The following C15orf40 variants were observed in gnomAD, a reference collection of about 807,000 sequenced individuals.
The protein encoded by C15orf40 is chromosome 15 open reading frame 40.
A neutral mutation model predicts 13.9 loss-of-function variants in C15orf40; 9 were observed. That is an observed-to-expected ratio of 0.65 (90% confidence interval 0.39 to 1.13). The LOEUF (loss-of-function observed/expected upper bound fraction) is 1.13. C15orf40 is among the 50% of genes most tolerant of loss of function. C15orf40 has a pLI of 0.01. For missense variants in C15orf40, 225 were observed against 188.5 expected (o/e 1.19, Z -1.13); for synonymous variants, 95 against 69.2 (o/e 1.37, Z -1.85).
At chr15:83,005,791 T>C in intron 3 of C15orf40, 99 bp from the exon 4 acceptor site, 1 of 1,429,004 alleles carries the variant, frequency 7.0e-7, no homozygotes, top group Non-Finnish European at 9.2e-7. Context: ...CCTGATGGCT[T>C]TCTCTTGGTT....
downstream of C15orf40, chr15:82,991,856 A>AT (rs1661333805): frequency 1.6e-6 from 2 of 1,273,802 alleles, no homozygotes; most frequent in Non-Finnish European, 2.1e-6. Flanking sequence ...TACTACAGAT[A>AT]TTTAGTCTAG....
At chr15:83,006,479 G>A (rs2031684893) in intron 3 of C15orf40, 1 of 985,186 alleles carries the variant, frequency 1.0e-6, no homozygotes, top group Non-Finnish European at 1.2e-6. Flanking sequence ...GGATTTGTTG[G>A]CCAGGTGTGG....
At chr15:83,011,368 A>G (rs2032000990) in intron 1 of C15orf40, 129 bp downstream of exon 1, 1 of 1,091,964 alleles carries the variant, frequency 9.2e-7, no homozygotes, top group East Asian at 3.1e-5. Flanking sequence ...GGCTGTCCTG[A>G]GCCCCGGAAC....
rs185634900 is a variant in C15orf40, at chr15:83,004,357, A to C, written c.*1240T>G. 10 of 985,454 alleles carry C rather than the reference A, an allele frequency of 1.0e-5. No individual in the cohort carries two copies. The African/African-American group carries it at 1.2e-4, about 12-fold the overall frequency. 61.0% of individuals were successfully genotyped at this position (985,454 alleles called of 1,614,324 possible). A position where few individuals can be genotyped will look rare whatever the true frequency, so the allele number is the denominator to read the frequency against. Reference sequence around the variant, plus strand: ...GTCCATCAATACATCTTTCTCATGTACTTGCTGGACAAAGCGCACAACTGC... The same window carrying C: ...GTCCATCAATACATCTTTCTCATGTCCTTGCTGGACAAAGCGCACAACTGC... On this transcript the variant is annotated 3_prime_UTR_variant, in exon 4 of 4. Transcript: ENST00000304177.
At chr15:83,011,253 G>A (rs2031992558) in intron 1 of C15orf40, 1 of 432,430 alleles carries the variant, frequency 2.3e-6, no homozygotes, top group African/African-American at 2.1e-5. Context: ...CCCAAGGAGA[G>A]CTCGGCTGCC....
chr15:82,994,742 A>G (rs1282565986), downstream of C15orf40: 1 of 152,174 alleles, frequency 6.6e-6, no homozygotes, highest in Non-Finnish European at 1.5e-5. Context: ...ACACATATTT[A>G]ATATATATAA....
At chr15:82,990,734 T>C, downstream of C15orf40, 1 of 1,213,638 alleles carries the variant, frequency 8.2e-7, no homozygotes, top group Non-Finnish European at 1.2e-6. Flanking sequence ...CATCATTTTA[T>C]ACAAACACTA....
In C15orf40 at chr15:83,002,408, A is replaced by T. The variant is rs2031457497; in HGVS notation, c.*3189T>A. 6.6e-6 allele frequency: 1 copy of T among 152,156 alleles called. No individual in the cohort carries two copies. Among genetic ancestry groups the T allele is most frequent in the South Asian group, 2.1e-4 (1 of 4,824 alleles). 9.4% of individuals were successfully genotyped at this position (152,156 alleles called of 1,614,324 possible). A position where few individuals can be genotyped will look rare whatever the true frequency, so the allele number is the denominator to read the frequency against. On this transcript the variant is annotated 3_prime_UTR_variant, in exon 4 of 4. Coordinates refer to ENST00000304177, the MANE Select transcript of C15orf40 (RefSeq NM_144597.3). Reference sequence around the variant, plus strand: ...CATTCCTCTCTTTGTAACTTTTCCCAATTTTATTCAGGTATCCAACTCTCT... The same window carrying T: ...CATTCCTCTCTTTGTAACTTTTCCCTATTTTATTCAGGTATCCAACTCTCT...
Position 83,003,325 on chromosome 15 carries a change from C to T in C15orf40, c.*2272G>A, listed in dbSNP as rs951006996. The T allele has an allele frequency of 1.3e-5, 2 of 152,094 alleles. No homozygotes were observed. The highest frequency in any genetic ancestry group is 4.8e-5 in the African/African-American group (2 of 41,370). The allele number at this position is 152,094 out of a possible 1,614,324, so 9.4% of individuals were successfully genotyped here. ...TATTTTTAGTAGAGATGGGGTTTCTCCATGTTGGTCAGGCTGGTCTCGAAT... is the reference window on the plus strand; with the variant it reads ...TATTTTTAGTAGAGATGGGGTTTCTTCATGTTGGTCAGGCTGGTCTCGAAT... On this transcript the variant is annotated 3_prime_UTR_variant, in exon 4 of 4. Coordinates refer to ENST00000304177, the MANE Select transcript of C15orf40 (RefSeq NM_144597.3).
downstream of C15orf40, chr15:82,989,838 T>A (rs768827464): frequency 1.0e-5 from 16 of 1,600,394 alleles, no homozygotes; most frequent in South Asian, 1.7e-4. Context: ...ATGTTTTTTT[T>A]AACAAGGGAA....
rs1158732383 is a variant in C15orf40 at position 82,998,173 on chromosome 15, A to AC, written c.*7423dup. ...GGGCGGCTGGCCGGGCGGGGGGCTG[A>AC]CCCCCCACCTCCCTCCCGGACGGCA... On this transcript the variant is annotated 3_prime_UTR_variant, in exon 4 of 4. Coordinates refer to ENST00000304177, the MANE Select transcript of C15orf40 (RefSeq NM_144597.3). 2 of 97,050 alleles carry AC rather than the reference A, an allele frequency of 2.1e-5. No homozygotes were observed. The highest frequency in any genetic ancestry group is 4.2e-5 in the Non-Finnish European group (2 of 48,120). The allele number at this position is 97,050 out of a possible 1,614,324, so 6.0% of individuals were successfully genotyped here.
At chr15:83,008,752 T>G in intron 2 of C15orf40, 77 bp from the exon 3 acceptor site, 1 of 1,462,478 alleles carries the variant, frequency 6.8e-7, no homozygotes, top group Non-Finnish European at 9.1e-7. Flanking sequence ...TGTAAAAGAG[T>G]TTTTGCATTT....
intron 2 of C15orf40, 97 bp downstream of exon 2, chr15:83,010,140 A>G (rs1345456997): frequency 3.4e-6 from 5 of 1,476,680 alleles, no homozygotes; most frequent in Non-Finnish European, 4.6e-6. Flanking sequence ...GTGAAAAATC[A>G]ACTGTCATAG....
rs1024218937 is a variant in C15orf40 at position 82,999,730 on chromosome 15, T to C, written c.*5867A>G. ...AACAGTTTGAACGTCACTGCGATAGTAAAAACACATCACAGATTAGTTTTC... is the reference window on the plus strand; with the variant it reads ...AACAGTTTGAACGTCACTGCGATAGCAAAAACACATCACAGATTAGTTTTC... On this transcript the variant is annotated 3_prime_UTR_variant, in exon 4 of 4. Coordinates refer to ENST00000304177, the MANE Select transcript of C15orf40 (RefSeq NM_144597.3). The C allele has an allele frequency of 3.3e-5, 5 of 152,280 alleles. No homozygotes were observed. In the South Asian group the frequency reaches 1.0e-3, roughly 32 times the overall value. The allele number at this position is 152,280 out of a possible 1,614,324, so 9.4% of individuals were successfully genotyped here. A position where few individuals can be genotyped will look rare whatever the true frequency, so the allele number is the denominator to read the frequency against.
Position 83,004,354 on chromosome 15 carries a change from T to A in C15orf40, c.*1243A>T. ...TTGGTCCATCAATACATCTTTCTCA[T>A]GTACTTGCTGGACAAAGCGCACAAC... On this transcript the variant is annotated 3_prime_UTR_variant, in exon 4 of 4. Coordinates refer to ENST00000304177, the MANE Select transcript of C15orf40 (RefSeq NM_144597.3). The A allele has an allele frequency of 2.0e-6, 2 of 985,434 alleles. No individual in the cohort carries two copies. Among genetic ancestry groups the A allele is most frequent in the Non-Finnish European group, 2.4e-6 (2 of 829,924 alleles). 61.0% of individuals were successfully genotyped at this position (985,434 alleles called of 1,614,324 possible).
In C15orf40 at chr15:83,011,356, G is replaced by A. The variant is rs1437288839; in HGVS notation, c.111+141C>T. Reference sequence around the variant, plus strand: ...GCAGGCCGCAGCTCTGGGGGTGGCGGCGGCTGTCCTGAGCCCCGGAACTGA... The same window carrying A: ...GCAGGCCGCAGCTCTGGGGGTGGCGACGGCTGTCCTGAGCCCCGGAACTGA... On this transcript the variant is annotated intron_variant, in intron 1 of 3. Transcript: ENST00000304177. The A allele has an allele frequency of 2.2e-5, 20 of 921,060 alleles. No individual in the cohort carries two copies. The South Asian group carries it at 3.7e-4, about 17-fold the overall frequency. 57.1% of individuals were successfully genotyped at this position (921,060 alleles called of 1,614,324 possible).
rs1286487224 is a variant in C15orf40 at position 82,996,808 on chromosome 15, C to G, written c.*8789G>C. 1 of 151,418 alleles carries G rather than the reference C, an allele frequency of 6.6e-6. No homozygotes were observed. Among genetic ancestry groups the G allele is most frequent in the Non-Finnish European group, 1.5e-5 (1 of 67,854 alleles). The allele number at this position is 151,418 out of a possible 1,614,324, so 9.4% of individuals were successfully genotyped here. ...ATCGCCTGAGGTCAGGAGTCTGAGA[C>G]CAGCCTGGCCAACATGGTGAAACCC... On this transcript the variant is annotated 3_prime_UTR_variant, in exon 4 of 4. Coordinates refer to ENST00000304177, the MANE Select transcript of C15orf40 (RefSeq NM_144597.3).
chr15:83,007,157 G>T (rs1486775816), intron 3 of C15orf40, among the ~76,000 whole-genome samples: 1 of 152,176 alleles, frequency 6.6e-6, no homozygotes, highest in African/African-American at 2.4e-5. Context: ...AGGTGACTTT[G>T]ATCTCCACCC....
At position 83,005,092 on chromosome 15, in the gene C15orf40, G is replaced by T. The variant is rs573665260; in HGVS notation, c.*505C>A. 2 of 1,147,540 alleles carry T rather than the reference G, an allele frequency of 1.7e-6. No individual in the cohort carries two copies. Among genetic ancestry groups the T allele is most frequent in the Non-Finnish European group, 2.2e-6 (2 of 909,568 alleles). 71.1% of individuals were successfully genotyped at this position (1,147,540 alleles called of 1,614,324 possible). A position where few individuals can be genotyped will look rare whatever the true frequency, so the allele number is the denominator to read the frequency against. ...CATGAAATCAGAGTAACATGTTCCA[G>T]GCTGTTTGGGGTTTGGGATTTTAGA... is the stretch of plus-strand genomic sequence containing the variant. On this transcript the variant is annotated 3_prime_UTR_variant, in exon 4 of 4. Coordinates refer to ENST00000304177, the MANE Select transcript of C15orf40 (RefSeq NM_144597.3).
Sources: gnomAD v4.1 joint callset for allele counts (sites outside exome capture counted in the v4.1 genomes callset) on GRCh38, gnomAD v4.1.1 for gene constraint, MANE v1.5 for transcripts, NCBI Gene and HGNC (gene_info 2026-07-23, HGNC 2026-07-21) for gene names.